IL1RAPL1: variants seen among roughly 807,000 people sequenced by gnomAD.
The protein encoded by IL1RAPL1 is interleukin 1 receptor accessory protein like 1.
In IL1RAPL1, 3 loss-of-function variants were observed where a neutral mutation model predicts 48.4. That is an observed-to-expected ratio of 0.06 (90% CI 0.03 to 0.16). The LOEUF (loss-of-function observed/expected upper bound fraction) is 0.16, where lower values mean the gene tolerates loss of function less well. Among genes scored for constraint, IL1RAPL1 ranks in the 10% least tolerant of loss-of-function variants. The probability of loss-of-function intolerance (pLI) is 1.00; values close to 1 mark genes in which losing one functional copy is unlikely to be tolerated. For missense variants in IL1RAPL1, 349 were observed against 530.6 expected (o/e 0.66, Z 3.36); for synonymous variants, 185 against 187.7 (o/e 0.99, Z 0.12).
intron 3 of IL1RAPL1, among the ~76,000 whole-genome samples, chrX:29,394,531 C>A (rs1441685900): frequency 8.9e-6 from 1 of 112,241 alleles, no homozygotes; most frequent in Admixed American, 9.4e-5. Context: ...TTAAAATTGC[C>A]AAATTCTTAT....
intron 5 of IL1RAPL1, among the ~76,000 whole-genome samples, chrX:29,468,761 C>T (rs1934890233): frequency 9.0e-6 from 1 of 111,716 alleles, no homozygotes; most frequent in African/African-American, 3.3e-5. Context: ...TTTGTGGTTC[C>T]CCTCATGGCT....
intron 1 of IL1RAPL1, among the ~76,000 whole-genome samples, chrX:28,696,041 A>C (rs1303876522): frequency 1.8e-5 from 2 of 112,135 alleles, no homozygotes; most frequent in African/African-American, 6.5e-5. Flanking sequence ...TAATACTATG[A>C]TATTTCTTGG....
At chrX:29,201,210 C>T (rs1930548395) in intron 2 of IL1RAPL1, among the ~76,000 whole-genome samples, 1 of 111,537 alleles carries the variant, frequency 9.0e-6, no homozygotes, top group Non-Finnish European at 1.9e-5. Context: ...TATTATTTAC[C>T]AATTTTATGT....
At chrX:29,678,678 T>G (rs1478164139) in intron 6 of IL1RAPL1, among the ~76,000 whole-genome samples, 3 of 110,894 alleles carry the variant, frequency 2.7e-5, no homozygotes, top group Admixed American at 9.6e-5. Context: ...AACACTATTT[T>G]TTTAGAAATG....
intron 2 of IL1RAPL1, among the ~76,000 whole-genome samples, chrX:29,018,143 TG>T (rs1926283377): frequency 8.9e-6 from 1 of 112,141 alleles, no homozygotes; most frequent in African/African-American, 3.2e-5. Context: ...AAATTCACTG[TG>T]TGCCAATTTC....
intron 2 of IL1RAPL1, among the ~76,000 whole-genome samples, chrX:29,080,651 T>A (rs1438763648): frequency 2.7e-5 from 3 of 110,463 alleles, no homozygotes; most frequent in Non-Finnish European, 5.7e-5. Context: ...AAAAGACATA[T>A]AAAACAAAGT....
intron 6 of IL1RAPL1, among the ~76,000 whole-genome samples, chrX:29,816,167 G>A (rs993077780): frequency 3.6e-5 from 4 of 110,889 alleles, no homozygotes; most frequent in East Asian, 2.8e-4. Context: ...AAGATAAATA[G>A]ACTACTAGTT....
intron 5 of IL1RAPL1, among the ~76,000 whole-genome samples, chrX:29,437,207 T>G: frequency 9.0e-6 from 1 of 110,807 alleles, no homozygotes; most frequent in Non-Finnish European, 1.9e-5. Flanking sequence ...ATAATTCTAT[T>G]ATAGATTCAA....
At chrX:28,735,478 C>T (rs1235471509) in intron 1 of IL1RAPL1, among the ~76,000 whole-genome samples, 2 of 110,971 alleles carry the variant, frequency 1.8e-5, no homozygotes, top group Admixed American at 9.6e-5. Flanking sequence ...AGGAAGATTC[C>T]TCAGAATCTT....
At chrX:29,266,944 T>C (rs1318161853) in intron 2 of IL1RAPL1, among the ~76,000 whole-genome samples, 1 of 111,862 alleles carries the variant, frequency 8.9e-6, no homozygotes, top group East Asian at 2.8e-4. Flanking sequence ...GTTACTTGCC[T>C]GCATAGGACT....
intron 2 of IL1RAPL1, among the ~76,000 whole-genome samples, chrX:28,814,318 T>C: frequency 9.3e-6 from 1 of 107,127 alleles, no homozygotes; most frequent in East Asian, 3.0e-4. Flanking sequence ...ACTTACTATA[T>C]TCCTTTGGGG....
At chrX:29,295,646 A>T (rs1259906842) in intron 3 of IL1RAPL1, among the ~76,000 whole-genome samples, 1 of 111,625 alleles carries the variant, frequency 9.0e-6, no homozygotes, top group East Asian at 2.8e-4. Flanking sequence ...AGTCCAATAT[A>T]TCCAAATTTC....
intron 2 of IL1RAPL1, among the ~76,000 whole-genome samples, chrX:29,271,381 A>T (rs1424321913): frequency 8.9e-6 from 1 of 112,175 alleles, no homozygotes; most frequent in African/African-American, 3.2e-5. Context: ...TATATACCCG[A>T]TAATGGGATT....
At chrX:28,727,161 C>G (rs1935686755) in intron 1 of IL1RAPL1, among the ~76,000 whole-genome samples, 3 of 110,998 alleles carry the variant, frequency 2.7e-5, no homozygotes, top group Admixed American at 9.6e-5. Context: ...TCTTCCTACC[C>G]AGGAGCATGG....
intron 6 of IL1RAPL1, among the ~76,000 whole-genome samples, chrX:29,714,087 T>C (rs1927421971): frequency 1.8e-5 from 2 of 112,140 alleles, no homozygotes; most frequent in East Asian, 2.8e-4. Flanking sequence ...CAGCTATATG[T>C]CTGCCACTAC....
chrX:29,842,794 AGAC>A (rs760618625), intron 6 of IL1RAPL1, among the ~76,000 whole-genome samples: 10 of 112,076 alleles, frequency 8.9e-5, no homozygotes, highest in Non-Finnish European at 1.7e-4. Context: ...GTACTTTCAA[AGAC>A]GACATTTCAG....
rs1166165831 is a variant in IL1RAPL1 at position 29,802,801 on chromosome X, A to G, written c.779-114663A>G. Among the ~76,000 whole-genome samples, 15 of 48,208 alleles carry G rather than the reference A, an allele frequency of 3.1e-4. 1 individual carries two copies. The highest frequency in any genetic ancestry group is 1.2e-3 in the African/African-American group (11 of 8,801). The allele number at this position is 48,208 out of a possible 115,157, so 41.9% of individuals were successfully genotyped here. On this transcript the variant is annotated intron_variant, in intron 6 of 10. Transcript: ENST00000378993. The stretch of plus-strand genomic sequence containing the variant: ...TATATATGTGTGTGTGTATATATAT[A>G]TATATATATGTGTGTATATATATGT...
intron 2 of IL1RAPL1, among the ~76,000 whole-genome samples, chrX:29,135,985 C>T (rs1929118060): frequency 8.9e-6 from 1 of 111,875 alleles, no homozygotes; most frequent in Non-Finnish European, 1.9e-5. Flanking sequence ...GATCTGCCTG[C>T]CTTGGCCTTC....
chrX:29,042,351 C>G (rs922250958), intron 2 of IL1RAPL1, among the ~76,000 whole-genome samples: 1 of 111,542 alleles, frequency 9.0e-6, no homozygotes, highest in East Asian at 2.8e-4. Context: ...CCACTCTTCT[C>G]TAGTTCCCAT....
Sources: gnomAD v4.1 joint callset for allele counts (sites outside exome capture counted in the v4.1 genomes callset) on GRCh38, gnomAD v4.1.1 for gene constraint, MANE v1.5 for transcripts, NCBI Gene and HGNC (gene_info 2026-07-23, HGNC 2026-07-21) for gene names.